The following FGF10 variants were observed in gnomAD, a reference collection of about 807,000 sequenced individuals.
The protein encoded by FGF10 is FGF-10.
Under a neutral mutation model 19.8 loss-of-function variants are expected in FGF10, and 2 were observed. The observed-to-expected ratio is 0.10, with a 90% CI of 0.04 to 0.32. The LOEUF is 0.32. FGF10 is among the 10% of genes least tolerant of loss of function. FGF10 has a pLI of 1.00. For synonymous variants in FGF10, 112 were observed against 94.0 expected (o/e 1.19, Z -1.10); for missense variants, 191 against 246.3 (o/e 0.78, Z 1.50).
chr5:44,316,981 T>C (rs965953403), intron 1 of FGF10, among the ~76,000 whole-genome samples: 1 of 152,194 alleles, frequency 6.6e-6, no homozygotes, highest in African/African-American at 2.4e-5. Context: ...CTTAAATATA[T>C]GCACATGGTC....
chr5:44,329,184 T>C (rs1450345188), intron 1 of FGF10, among the ~76,000 whole-genome samples: 1 of 152,196 alleles, frequency 6.6e-6, no homozygotes, highest in African/African-American at 2.4e-5. Context: ...TTGTTTTGTT[T>C]TGAAGTGGAG....
At chr5:44,371,146 A>G (rs1182056089) in intron 1 of FGF10, among the ~76,000 whole-genome samples, 1 of 152,110 alleles carries the variant, frequency 6.6e-6, no homozygotes, top group African/African-American at 2.4e-5. Context: ...GATTGGATTA[A>G]TTCATTGATG....
At chr5:44,321,805 A>C (rs1314838423) in intron 1 of FGF10, among the ~76,000 whole-genome samples, 1 of 152,200 alleles carries the variant, frequency 6.6e-6, no homozygotes, top group East Asian at 1.9e-4. Flanking sequence ...TCTGTTGCCC[A>C]GGCCAGAGTG....
At chr5:44,311,971 C>T (rs1316242462) in intron 1 of FGF10, among the ~76,000 whole-genome samples, 1 of 152,036 alleles carries the variant, frequency 6.6e-6, no homozygotes, top group African/African-American at 2.4e-5. Context: ...TCCCCTGTTG[C>T]CAAGTTGACA....
intron 1 of FGF10, among the ~76,000 whole-genome samples, chr5:44,350,625 CCTT>C (rs1426133399): frequency 1.3e-5 from 2 of 150,448 alleles, no homozygotes; most frequent in Non-Finnish European, 3.0e-5. Context: ...ACATATATGT[CCTT>C]AAGTTTTATA....
At chr5:44,370,073 T>C (rs753654691) in intron 1 of FGF10, among the ~76,000 whole-genome samples, 4 of 152,164 alleles carry the variant, frequency 2.6e-5, no homozygotes, top group South Asian at 2.1e-4. Flanking sequence ...ACTTTTATAA[T>C]TTTCATTTTG....
At chr5:44,381,972 T>C (rs1741994555) in intron 1 of FGF10, among the ~76,000 whole-genome samples, 1 of 152,196 alleles carries the variant, frequency 6.6e-6, no homozygotes, top group Non-Finnish European at 1.5e-5. Flanking sequence ...AAGAGCTCAA[T>C]GACATCATTC....
At chr5:44,345,309 A>G (rs1384701613) in intron 1 of FGF10, among the ~76,000 whole-genome samples, 1 of 151,824 alleles carries the variant, frequency 6.6e-6, no homozygotes, top group Non-Finnish European at 1.5e-5. Flanking sequence ...GTAAAATAAA[A>G]CTGAACAAAT....
At position 44,338,905 on chromosome 5, in the gene FGF10, TCTAACTAGCTA is replaced by T. The variant is rs1740908563; in HGVS notation, c.326-28386_326-28376del. Among the ~76,000 whole-genome samples the T allele has an allele frequency of 3.3e-5, 5 of 152,336 alleles. No individual in the cohort carries two copies. The South Asian group carries it at 1.0e-3, about 32-fold the overall frequency. On this transcript the variant is annotated intron_variant, in intron 1 of 2. Coordinates refer to ENST00000264664, the MANE Select transcript of FGF10 (RefSeq NM_004465.2). ...GCAAACTGTATCTAGATTGAGATTG[TCTAACTAGCTA>T]CTTAGTAATGAATTTAAGGCATGTT...
intron 1 of FGF10, among the ~76,000 whole-genome samples, chr5:44,384,239 TTAAA>T (rs1213574234): frequency 7.2e-5 from 11 of 152,128 alleles, no homozygotes; most frequent in Non-Finnish European, 1.0e-4. Flanking sequence ...TGGATTTTTC[TTAAA>T]TAGTCATGTA....
chr5:44,325,367 T>C (rs13159800), intron 1 of FGF10, among the ~76,000 whole-genome samples: 81,011 of 151,502 alleles, frequency 0.53, 23,780 homozygotes, highest in Non-Finnish European at 0.67. Context: ...CCATTTGACC[T>C]AGCCATCCCA....
At chr5:44,359,006 T>G (rs1320869863) in intron 1 of FGF10, among the ~76,000 whole-genome samples, 1 of 151,564 alleles carries the variant, frequency 6.6e-6, no homozygotes, top group Non-Finnish European at 1.5e-5. Flanking sequence ...CTCTATGTGA[T>G]GCAATACATA....
chr5:44,378,321 T>C (rs1381062933), intron 1 of FGF10, among the ~76,000 whole-genome samples: 1 of 152,234 alleles, frequency 6.6e-6, no homozygotes, highest in Non-Finnish European at 1.5e-5. Flanking sequence ...TTGAGAATTT[T>C]GGATTAGAAG....
rs146566999 is a variant in FGF10, at chr5:44,323,139, T to G, written c.326-12609A>C. ...TGATTACCAAGACTGAAGTGGTTCT[T>G]TATCCCTAAAGTCCATGGAAATGTC... On this transcript the variant is annotated intron_variant, in intron 1 of 2. Transcript: ENST00000264664. 3.5e-3 allele frequency among the ~76,000 whole-genome samples: 533 copies of G among 152,280 alleles called. 1 individual carries two copies. Among genetic ancestry groups the G allele is most frequent in the Middle Eastern group, 0.017 (5 of 294 alleles).
chr5:44,366,448 A>C (rs1038324393), intron 1 of FGF10, among the ~76,000 whole-genome samples: 3 of 151,980 alleles, frequency 2.0e-5, no homozygotes, highest in Non-Finnish European at 4.4e-5. Context: ...TGTCAGAGCC[A>C]GGAAAGAAGG....
At chr5:44,384,989 C>T (rs1183820369) in intron 1 of FGF10, among the ~76,000 whole-genome samples, 1 of 152,060 alleles carries the variant, frequency 6.6e-6, no homozygotes, top group African/African-American at 2.4e-5. Flanking sequence ...GTCAACTGGT[C>T]CCAGTTGCAA....
intron 1 of FGF10, among the ~76,000 whole-genome samples, chr5:44,339,072 C>T (rs908539017): frequency 2.0e-5 from 3 of 151,952 alleles, no homozygotes; most frequent in South Asian, 2.1e-4. Flanking sequence ...TTTCTAAAAG[C>T]GATCAAAGCA....
chr5:44,319,620 A>G (rs1475705014), intron 1 of FGF10, among the ~76,000 whole-genome samples: 1 of 152,208 alleles, frequency 6.6e-6, no homozygotes, highest in Non-Finnish European at 1.5e-5. Context: ...AGCTTCCAAC[A>G]TGGTATAGAA....
intron 1 of FGF10, 41 bp downstream of exon 1, chr5:44,388,317 G>A (rs201058164): frequency 6.3e-7 from 1 of 1,580,296 alleles, no homozygotes; most frequent in Non-Finnish European, 8.7e-7. Context: ...TGGGCTGGGG[G>A]TGGATAATTG....
Sources: allele counts gnomAD v4.1 joint callset (sites outside exome capture counted in the v4.1 genomes callset), GRCh38; gene constraint gnomAD v4.1.1; transcripts MANE v1.5; gene names NCBI Gene and HGNC (gene_info 2026-07-23, HGNC 2026-07-21).